TGM4: variants seen among roughly 807,000 people sequenced by gnomAD.
The protein encoded by TGM4 is transglutaminase 4.
Under a neutral mutation model 76.3 loss-of-function variants are expected in TGM4, and 61 were observed. The ratio of observed to expected loss-of-function variants is 0.80; its 90% CI spans 0.65 to 0.99. The LOEUF is 0.99. Among genes scored for constraint, TGM4 ranks in the 50% least tolerant of loss-of-function variants. The pLI is 0.00. For synonymous variants in TGM4, 337 were observed against 329.8 expected (o/e 1.02, Z -0.24); for missense variants, 794 against 843.2 (o/e 0.94, Z 0.72).
intron 2 of TGM4, 25 bp from the exon 3 acceptor site, chr3:44,887,664 A>G (rs751673679): frequency 1.2e-6 from 2 of 1,610,570 alleles, no homozygotes; most frequent in Non-Finnish European, 1.7e-6. Context: ...TGGCTGGGCC[A>G]ATGTTTTCCT....
At chr3:44,880,543 G>C (rs538198662) in intron 1 of TGM4, among the ~76,000 whole-genome samples, 2 of 152,284 alleles carry the variant, frequency 1.3e-5, no homozygotes, top group South Asian at 4.1e-4. Flanking sequence ...TGGACACTGG[G>C]GGGTGGGGGA....
intron 10 of TGM4, among the ~76,000 whole-genome samples, chr3:44,908,933 C>T (rs1157420395): frequency 6.6e-6 from 1 of 152,092 alleles, no homozygotes; most frequent in Non-Finnish European, 1.5e-5. Context: ...TTTTAAAGAA[C>T]ATAATATGGC....
Position 44,913,564 on chromosome 3 carries a change from T to C in TGM4, c.1914-20T>C, listed in dbSNP as rs113033170. The C allele has an allele frequency of 1.3e-3, 2,039 of 1,608,524 alleles. 21 individuals carry two copies. The African/African-American group carries it at 0.024, about 19-fold the overall frequency. Reference sequence around the variant, plus strand: ...ACATCCTTGGCTGATTGTATGTCCGTATGTCTTTGAATTTTCCAGGACGGT... The same window carrying C: ...ACATCCTTGGCTGATTGTATGTCCGCATGTCTTTGAATTTTCCAGGACGGT... On this transcript the variant is annotated intron_variant, in intron 13 of 13. Transcript: ENST00000296125.
chr3:44,896,253 A>G (rs929051162), intron 5 of TGM4, among the ~76,000 whole-genome samples: 3 of 152,168 alleles, frequency 2.0e-5, no homozygotes, highest in Admixed American at 2.0e-4. Context: ...CTGGGATTAC[A>G]GGCATGCACC....
intron 4 of TGM4, among the ~76,000 whole-genome samples, chr3:44,892,119 C>G (rs76888173): frequency 0.59 from 88,626 of 150,914 alleles, 26,548 homozygotes; most frequent in East Asian, 0.91. Context: ...TTAGCTGGGC[C>G]TGGTGGCATG....
At chr3:44,892,483 G>T (rs1293812507) in intron 4 of TGM4, among the ~76,000 whole-genome samples, 1 of 148,532 alleles carries the variant, frequency 6.7e-6, no homozygotes. Context: ...CAATTCTTCT[G>T]CCTCAGCCTC....
At chr3:44,896,348 T>A (rs1415744191) in intron 5 of TGM4, among the ~76,000 whole-genome samples, 1 of 152,208 alleles carries the variant, frequency 6.6e-6, no homozygotes, top group African/African-American at 2.4e-5. Flanking sequence ...CGACCTCAGG[T>A]GATCCACCTG....
chr3:44,901,202 T>G (rs1471416218), intron 6 of TGM4, among the ~76,000 whole-genome samples: 1 of 152,208 alleles, frequency 6.6e-6, no homozygotes, highest in East Asian at 1.9e-4. Flanking sequence ...CTCACACCAC[T>G]GTACTCCAGC....
At chr3:44,878,482 ATTATTATTATTATTATTT>A (rs1575708641) in intron 1 of TGM4, among the ~76,000 whole-genome samples, 5 of 144,750 alleles carry the variant, frequency 3.5e-5, no homozygotes, top group Admixed American at 6.9e-5. Flanking sequence ...TATTATTATT[ATTATTATTATTATTATTT>A]GAGATGAGGT....
At chr3:44,912,891 A>G (rs950398535) in intron 13 of TGM4, among the ~76,000 whole-genome samples, 4 of 152,244 alleles carry the variant, frequency 2.6e-5, no homozygotes, top group African/African-American at 4.8e-5. Context: ...TTGCTGGACT[A>G]TATGGAAATT....
At chr3:44,879,802 A>G (rs1438759716) in intron 1 of TGM4, among the ~76,000 whole-genome samples, 1 of 150,364 alleles carries the variant, frequency 6.7e-6, no homozygotes, top group African/African-American at 2.5e-5. Context: ...ATTTTATTTT[A>G]TTTATTATTT....
Position 44,879,265 on chromosome 3 carries a change from CTATATA to C in TGM4, c.19+4585_19+4590del, listed in dbSNP as rs57611128. ...TCTCTCTCTCTCTCTCTCTCTCTCT[CTATATA>C]TATATATATATATATAGTTTATTTA... On this transcript the variant is annotated intron_variant, in intron 1 of 13. Coordinates refer to ENST00000296125, the MANE Select transcript of TGM4 (RefSeq NM_003241.4). 3.0e-3 allele frequency among the ~76,000 whole-genome samples: 273 copies of C among 92,262 alleles called. 1 individual carries two copies. Among genetic ancestry groups the C allele is most frequent in the East Asian group, 8.9e-3 (30 of 3,376 alleles). The allele number at this position is 92,262 out of a possible 152,430, so 60.5% of individuals were successfully genotyped here. A position where few individuals can be genotyped will look rare whatever the true frequency, so the allele number is the denominator to read the frequency against.
chr3:44,904,199 T>C (rs1288512476), intron 9 of TGM4, among the ~76,000 whole-genome samples: 1 of 152,148 alleles, frequency 6.6e-6, no homozygotes, highest in Admixed American at 6.6e-5. Flanking sequence ...CCAATGACAG[T>C]ACTGTTAAGA....
chr3:44,886,677 C>T (rs1225841442), intron 2 of TGM4, among the ~76,000 whole-genome samples: 1 of 152,208 alleles, frequency 6.6e-6, no homozygotes, highest in African/African-American at 2.4e-5. Context: ...ACTGAGCACT[C>T]TCCATGTATG....
intron 6 of TGM4, among the ~76,000 whole-genome samples, chr3:44,900,381 T>C (rs2125756357): frequency 6.6e-6 from 1 of 152,246 alleles, no homozygotes; most frequent in South Asian, 2.1e-4. Flanking sequence ...TGGCCTCTGC[T>C]CTCTCTCTGA....
At chr3:44,902,616 A>G (rs1447649344) in intron 8 of TGM4, among the ~76,000 whole-genome samples, 1 of 151,100 alleles carries the variant, frequency 6.6e-6, no homozygotes, top group East Asian at 2.0e-4. Flanking sequence ...AAAAACAAAA[A>G]CAAAAAACAA....
chr3:44,889,519 G>A (rs1044195012), intron 3 of TGM4, among the ~76,000 whole-genome samples: 6 of 152,114 alleles, frequency 3.9e-5, no homozygotes, highest in Admixed American at 3.9e-4. Context: ...AAAAAAAGGG[G>A]GAAGAGTAGA....
At chr3:44,890,807 A>G in intron 4 of TGM4, 75 bp downstream of exon 4, 1 of 1,555,024 alleles carries the variant, frequency 6.4e-7, no homozygotes, top group Non-Finnish European at 8.7e-7. Context: ...TGCATAGTCT[A>G]TGAGCTTTTG....
rs1044218850 is a variant in TGM4, at chr3:44,874,630, G to A, written c.-49G>A. 6.5e-5 allele frequency: 105 copies of A among 1,612,662 alleles called. 1 individual carries two copies. The highest frequency in any genetic ancestry group is 4.9e-4 in the Middle Eastern group (3 of 6,076). ...AGGACCGACTGTGTGGAAGCACCAGGCATCAGAGATAGAGTCTTCCCTGGC... is the reference window on the plus strand; with the variant it reads ...AGGACCGACTGTGTGGAAGCACCAGACATCAGAGATAGAGTCTTCCCTGGC... On this transcript the variant is annotated 5_prime_UTR_variant, in exon 1 of 14. Coordinates refer to ENST00000296125, the MANE Select transcript of TGM4 (RefSeq NM_003241.4).
Sources: gnomAD v4.1 joint callset for allele counts (sites outside exome capture counted in the v4.1 genomes callset) on GRCh38, gnomAD v4.1.1 for gene constraint, MANE v1.5 for transcripts, NCBI Gene and HGNC (gene_info 2026-07-23, HGNC 2026-07-21) for gene names.